The following HTR1F variants were observed in gnomAD, a reference collection of about 807,000 sequenced individuals.
The protein encoded by HTR1F is 5-hydroxytryptamine (serotonin) receptor 1F, G protein-coupled.
Under a neutral mutation model 24.0 loss-of-function variants are expected in HTR1F, and 17 were observed. The ratio of observed to expected loss-of-function variants is 0.71; its 90% CI spans 0.48 to 1.06. HTR1F has a LOEUF of 1.06. Among genes scored for constraint, HTR1F ranks in the 50% least tolerant of loss-of-function variants. The pLI is 0.00. For synonymous variants in HTR1F, 186 were observed against 156.8 expected (o/e 1.19, Z -1.39); for missense variants, 391 against 427.8 (o/e 0.91, Z 0.76).
chr3:87,839,030 T>A (rs76529078), intron 2 of HTR1F, among the ~76,000 whole-genome samples: 11,205 of 149,656 alleles, frequency 0.075, 496 homozygotes, highest in Middle Eastern at 0.12. Flanking sequence ...TTTTATTTTT[T>A]TTTTTTGCTG....
At chr3:87,968,612 C>T (rs1470464637) in intron 2 of HTR1F, among the ~76,000 whole-genome samples, 2 of 152,098 alleles carry the variant, frequency 1.3e-5, no homozygotes, top group Non-Finnish European at 2.9e-5. Context: ...GGAATTGGAA[C>T]TTAAGTTTAA....
At chr3:87,897,861 C>T (rs1178867138) in intron 2 of HTR1F, among the ~76,000 whole-genome samples, 8 of 152,098 alleles carry the variant, frequency 5.3e-5, no homozygotes, top group East Asian at 1.9e-4. Flanking sequence ...TATCTATCTC[C>T]AACCAACTTT....
intron 2 of HTR1F, among the ~76,000 whole-genome samples, chr3:87,884,139 G>A (rs529374585): frequency 2.0e-4 from 31 of 152,234 alleles, no homozygotes; most frequent in African/African-American, 7.2e-4. Context: ...GACTAACAGT[G>A]GATCTCTTGG....
Position 87,846,562 on chromosome 3 carries a change from C to A in HTR1F, c.-43+24438C>A, listed in dbSNP as rs1393555425. 2.6e-5 allele frequency among the ~76,000 whole-genome samples: 4 copies of A among 151,928 alleles called. 1 individual carries two copies. The highest frequency in any genetic ancestry group is 9.7e-5 in the African/African-American group (4 of 41,226). ...AAAGACAAAAGACTTTTCCAAATCA[C>A]CCAGCTAGATAGCAACATAGTCAGC... On this transcript the variant is annotated intron_variant, in intron 2 of 2. Coordinates refer to ENST00000319595, the MANE Select transcript of HTR1F (RefSeq NM_001322209.2).
chr3:87,946,416 C>A (rs565836395), intron 2 of HTR1F, among the ~76,000 whole-genome samples: 60 of 151,950 alleles, frequency 3.9e-4, no homozygotes, highest in Non-Finnish European at 6.6e-4. Flanking sequence ...AATAAAAGAA[C>A]CTGAAGTCTT....
At chr3:87,793,789 T>C (rs973289403) in intron 1 of HTR1F, among the ~76,000 whole-genome samples, 18 of 152,152 alleles carry the variant, frequency 1.2e-4, no homozygotes, top group African/African-American at 4.3e-4. Flanking sequence ...AAGGAGCAGA[T>C]TTTGTTTTTC....
At chr3:87,946,238 C>A (rs551823099) in intron 2 of HTR1F, among the ~76,000 whole-genome samples, 1 of 152,108 alleles carries the variant, frequency 6.6e-6, no homozygotes, top group African/African-American at 2.4e-5. Flanking sequence ...TATGCGACGG[C>A]GGCAAACGGC....
chr3:87,936,899 C>T (rs901807910), intron 2 of HTR1F, among the ~76,000 whole-genome samples: 1 of 142,500 alleles, frequency 7.0e-6, no homozygotes, highest in African/African-American at 3.1e-5. Context: ...AATTCCTAGA[C>T]TCTACACCAT....
rs1705810729 is a variant in HTR1F, at chr3:87,991,000, T to C, written c.251T>C (p.Ile84Thr). The C allele has an allele frequency of 6.2e-7, 1 of 1,614,162 alleles. No individual in the cohort carries two copies. ...VLVMPFSIVY[I>T]VRESWIMGQV... ...GTGATGCCCTTCAGCATTGTGTATA[T>C]TGTGAGAGAGAGCTGGATTATGGGG... Residue 84 changes from isoleucine to threonine, a missense_variant, in exon 3 of 3, where the codon ATT becomes ACT. Physicochemically the swap from Ile to Thr is moderately conservative, Grantham distance 89 (BLOSUM62 -1). Coordinates refer to ENST00000319595, the MANE Select transcript of HTR1F (RefSeq NM_001322209.2).
intron 2 of HTR1F, among the ~76,000 whole-genome samples, chr3:87,851,572 G>C (rs1705087084): frequency 6.6e-6 from 1 of 151,382 alleles, no homozygotes; most frequent in African/African-American, 2.4e-5. Context: ...GGACTTTTCA[G>C]GCCAACTATG....
chr3:87,804,787 G>A (rs1024332653), intron 1 of HTR1F, among the ~76,000 whole-genome samples: 3 of 151,920 alleles, frequency 2.0e-5, no homozygotes, highest in Non-Finnish European at 2.9e-5. Context: ...ATTTTATGTA[G>A]TTTAACAATT....
chr3:87,984,103 G>A (rs1705609810), intron 2 of HTR1F, among the ~76,000 whole-genome samples: 1 of 152,182 alleles, frequency 6.6e-6, no homozygotes, highest in Admixed American at 6.5e-5. Context: ...TGCCTTTGCA[G>A]TAAGTAGGTA....
At chr3:87,846,236 C>A (rs1368417001) in intron 2 of HTR1F, among the ~76,000 whole-genome samples, 1 of 151,954 alleles carries the variant, frequency 6.6e-6, no homozygotes, top group African/African-American at 2.4e-5. Context: ...AGTTCAAGAC[C>A]AGCCTGGCCA....
chr3:87,816,314 C>CT (rs1052782481), intron 1 of HTR1F, among the ~76,000 whole-genome samples: 42 of 151,998 alleles, frequency 2.8e-4, no homozygotes, highest in African/African-American at 8.2e-4. Context: ...GCTCTTCTGA[C>CT]TTTTTTTACA....
intron 2 of HTR1F, among the ~76,000 whole-genome samples, chr3:87,930,850 T>C (rs983222912): frequency 6.6e-6 from 1 of 152,112 alleles, no homozygotes; most frequent in African/African-American, 2.4e-5. Context: ...TATACATTTA[T>C]TTACATACAC....
At position 87,991,063 on chromosome 3, in the gene HTR1F, C is replaced by T; in HGVS notation, c.314C>T (p.Thr105Ile). The stretch of plus-strand genomic sequence containing the variant: ...GACATTTGGCTGAGTGTTGACATTA[C>T]CTGCTGCACGTGCTCCATCTTGCAT... Reference protein sequence around the residue: ...VCDIWLSVDITCCTCSILHLS... With the variant: ...VCDIWLSVDIICCTCSILHLS... The change falls in exon 3 of 3, where the codon ACC (threonine) becomes ATC (isoleucine). Residue 105 changes from threonine (T) to isoleucine (I), a missense_variant. Physicochemically the swap from Thr to Ile is moderately conservative, Grantham distance 89 (BLOSUM62 -1). Transcript: ENST00000319595. The T allele has an allele frequency of 1.1e-5, 18 of 1,613,904 alleles. No homozygotes were observed. Among genetic ancestry groups the T allele is most frequent in the Non-Finnish European group, 1.4e-5 (17 of 1,180,020 alleles).
At chr3:87,841,485 A>G (rs886684860) in intron 2 of HTR1F, among the ~76,000 whole-genome samples, 3 of 151,942 alleles carry the variant, frequency 2.0e-5, no homozygotes, top group African/African-American at 7.3e-5. Flanking sequence ...ATTAACAAAT[A>G]TATGAAAGTG....
At chr3:87,854,143 G>A (rs751659953) in intron 2 of HTR1F, among the ~76,000 whole-genome samples, 1 of 151,798 alleles carries the variant, frequency 6.6e-6, no homozygotes, top group Non-Finnish European at 1.5e-5. Context: ...TATTTTTACA[G>A]AAAATTATTT....
At chr3:87,990,669 A>G (rs748772042) in intron 2 of HTR1F, 39 bp from the exon 3 acceptor site, 10 of 1,021,686 alleles carry the variant, frequency 9.8e-6, no homozygotes, top group Non-Finnish European at 1.5e-5. Context: ...AAGTTCTTGA[A>G]GCCTTCTCTG....
Sources: allele counts gnomAD v4.1 joint callset (sites outside exome capture counted in the v4.1 genomes callset), GRCh38; gene constraint gnomAD v4.1.1; transcripts MANE v1.5; gene names NCBI Gene and HGNC (gene_info 2026-07-23, HGNC 2026-07-21).